The following TSTD2 variants were observed in gnomAD, a reference collection of about 807,000 sequenced individuals.
TSTD2 encodes thiosulfate sulfurtransferase/rhodanese-like domain-containing protein 2.
A neutral mutation model predicts 47.9 loss-of-function variants in TSTD2; 37 were observed. The observed-to-expected ratio is 0.77, with a 90% CI of 0.59 to 1.02. The LOEUF (loss-of-function observed/expected upper bound fraction) is 1.02. Ranked by LOEUF, TSTD2 falls within the 50% of genes least tolerant of loss-of-function variation. The pLI is 0.00. For missense variants in TSTD2, 586 were observed against 616.0 expected, an observed-to-expected ratio of 0.95 and a Z score of 0.52; for synonymous variants, 201 against 215.9, an observed-to-expected ratio of 0.93 and a Z score of 0.61.
Position 97,627,176 on chromosome 9 carries a change from T to A in TSTD2, c.165+222A>T, listed in dbSNP as rs547461679. 3 of 758,308 alleles carry A rather than the reference T, an allele frequency of 4.0e-6. No homozygotes were observed. The East Asian group carries it at 1.5e-4, about 38-fold the overall frequency. 47.0% of individuals were successfully genotyped at this position (758,308 alleles called of 1,614,324 possible). On this transcript the variant is annotated intron_variant, in intron 2 of 9. Transcript: ENST00000341170. ...CTGGGGGGTGGGGAATGAAATCTAA[T>A]CCATCTGTCTAGGATCCACCCTCCT...
chr9:97,601,167 C>G lies in TSTD2; in HGVS notation c.*1302G>C. 1 of 1,300,580 alleles carries G rather than the reference C, an allele frequency of 7.7e-7. No homozygotes were observed. Among genetic ancestry groups the G allele is most frequent in the African/African-American group, 1.5e-5 (1 of 65,798 alleles). The allele number at this position is 1,300,580 out of a possible 1,614,324, so 80.6% of individuals were successfully genotyped here. ...CACCATGTTGCAGGGACAACCATCCCCATTTGGCTTCTCCTTAAAACACAA... is the reference window on the plus strand; with the variant it reads ...CACCATGTTGCAGGGACAACCATCCGCATTTGGCTTCTCCTTAAAACACAA... On this transcript the variant is annotated 3_prime_UTR_variant, in exon 10 of 10. Coordinates refer to ENST00000341170, the MANE Select transcript of TSTD2 (RefSeq NM_139246.5).
At position 97,625,652 on chromosome 9, in the gene TSTD2, C is replaced by T. The variant is rs745601653; in HGVS notation, c.482+29G>A. 8 of 1,568,690 alleles carry T rather than the reference C, an allele frequency of 5.1e-6. No homozygotes were observed. The South Asian group carries it at 9.5e-5, about 19-fold the overall frequency. On this transcript the variant is annotated intron_variant, in intron 3 of 9. Coordinates refer to ENST00000341170, the MANE Select transcript of TSTD2 (RefSeq NM_139246.5). ...TTGTGGTTGGAAAAATACTTTAAAT[C>T]AAACCAAAATACAGAATGAAAATCT... is the stretch of plus-strand genomic sequence containing the variant.
intron 2 of TSTD2, among the ~76,000 whole-genome samples, chr9:97,626,296 A>C (rs1239163131): frequency 1.3e-5 from 2 of 152,202 alleles, no homozygotes; most frequent in African/African-American, 4.8e-5. Flanking sequence ...GTTTGGCCTA[A>C]AATATCACAA....
chr9:97,602,598 G>A lies in TSTD2; in HGVS notation c.1422C>T (p.Ser474=), dbSNP rs1249318262. 3 of 1,614,206 alleles carry A rather than the reference G, an allele frequency of 1.9e-6. No individual in the cohort carries two copies. The highest frequency in any genetic ancestry group is 2.5e-6 in the Non-Finnish European group (3 of 1,180,026). ...CTGTGCACTCGCATTCCTCTTTAAA[G>A]CTGTCTTGCATAGGGCCTGAAACTT... The part of the protein sequence containing the change: ...SRKVSGPMQD[S]FKEECECTAR... The change falls in exon 10 of 10, where the codon AGC becomes AGT. Residue 474 remains serine (S), a synonymous_variant. Coordinates refer to ENST00000341170, the MANE Select transcript of TSTD2 (RefSeq NM_139246.5).
chr9:97,617,113 G>C (rs1826556394), intron 4 of TSTD2, among the ~76,000 whole-genome samples: 1 of 152,214 alleles, frequency 6.6e-6, no homozygotes, highest in Non-Finnish European at 1.5e-5. Context: ...TTGAAAAGCA[G>C]AAAGGGATAG....
chr9:97,611,511 A>G, intron 5 of TSTD2, 63 bp downstream of exon 5: 1 of 1,509,004 alleles, frequency 6.6e-7, no homozygotes, highest in South Asian at 1.3e-5. Flanking sequence ...ACTCCTCTTC[A>G]ATAACATGCA....
At chr9:97,614,614 T>A (rs1332991090) in intron 4 of TSTD2, among the ~76,000 whole-genome samples, 1 of 152,100 alleles carries the variant, frequency 6.6e-6, no homozygotes, top group Non-Finnish European at 1.5e-5. Context: ...GGAGACAATA[T>A]GTGAGCCGAG....
In TSTD2 at chr9:97,600,717, T is replaced by C. The variant is rs1826238609; in HGVS notation, c.*1752A>G. 2 of 1,005,450 alleles carry C rather than the reference T, an allele frequency of 2.0e-6. No individual in the cohort carries two copies. The highest frequency in any genetic ancestry group is 1.2e-6 in the Non-Finnish European group (1 of 842,070). The allele number at this position is 1,005,450 out of a possible 1,614,324, so 62.3% of individuals were successfully genotyped here. On this transcript the variant is annotated 3_prime_UTR_variant, in exon 10 of 10. Transcript: ENST00000341170. ...GCCTCCGCAGGATGCCGGACAATGG[T>C]GAAGAAACTCCAGATATCAAGGAAT...
chr9:97,602,169 A>C lies in TSTD2; in HGVS notation c.*300T>G, dbSNP rs3802472. On this transcript the variant is annotated 3_prime_UTR_variant, in exon 10 of 10. Transcript: ENST00000341170. Reference sequence around the variant, plus strand: ...ACTACTAACAGCCCCAGCTGCATGGAACAGAAAGGGCATATGCTGTGGCCA... The same window carrying C: ...ACTACTAACAGCCCCAGCTGCATGGCACAGAAAGGGCATATGCTGTGGCCA... The C allele has an allele frequency of 0.069, 22,269 of 323,268 alleles. 3,482 individuals carry two copies. The highest frequency in any genetic ancestry group is 0.36 in the African/African-American group (17,024 of 46,810). The allele number at this position is 323,268 out of a possible 1,614,324, so 20.0% of individuals were successfully genotyped here.
At chr9:97,620,652 GA>G (rs2131314376) in intron 3 of TSTD2, among the ~76,000 whole-genome samples, 1 of 152,350 alleles carries the variant, frequency 6.6e-6, no homozygotes, top group African/African-American at 2.4e-5. Flanking sequence ...GGTGGTCTCA[GA>G]TGGAGATGAG....
At chr9:97,618,539 C>A (rs956959872) in intron 3 of TSTD2, among the ~76,000 whole-genome samples, 2 of 152,190 alleles carry the variant, frequency 1.3e-5, no homozygotes, top group African/African-American at 4.8e-5. Flanking sequence ...TGAAGCTGTT[C>A]TATAAAATTA....
intron 6 of TSTD2, among the ~76,000 whole-genome samples, chr9:97,606,872 G>C (rs1400170200): frequency 1.3e-5 from 2 of 152,156 alleles, no homozygotes; most frequent in Non-Finnish European, 2.9e-5. Context: ...AAAAGGGCAA[G>C]AGGGGTGGAC....
chr9:97,629,291 T>C (rs1418359660), intron 1 of TSTD2, among the ~76,000 whole-genome samples: 1 of 152,178 alleles, frequency 6.6e-6, no homozygotes, highest in Non-Finnish European at 1.5e-5. Context: ...TTGTTAACAA[T>C]GCTGGATAGG....
intron 4 of TSTD2, among the ~76,000 whole-genome samples, chr9:97,614,392 G>GCATTCATTCCTC (rs577285025): frequency 7.4e-6 from 1 of 134,940 alleles, no homozygotes; most frequent in Admixed American, 7.3e-5. Flanking sequence ...TCATGAACAT[G>GCATTCATTCCTC]CATTCTATAT....
At chr9:97,608,985 C>T (rs190858856) in intron 6 of TSTD2, among the ~76,000 whole-genome samples, 23 of 151,520 alleles carry the variant, frequency 1.5e-4, no homozygotes, top group African/African-American at 2.4e-5. Context: ...GTCTTGGTGG[C>T]GGGAGAAAAA....
intron 6 of TSTD2, among the ~76,000 whole-genome samples, chr9:97,609,624 A>G (rs1294593776): frequency 6.6e-6 from 1 of 152,248 alleles, no homozygotes; most frequent in East Asian, 1.9e-4. Context: ...ATCAGTTAAA[A>G]TGTTTTAAGA....
chr9:97,627,085 C>A (rs1826734520), intron 2 of TSTD2, among the ~76,000 whole-genome samples: 1 of 152,010 alleles, frequency 6.6e-6, no homozygotes, highest in Admixed American at 6.6e-5. Context: ...TTTTGTTGAT[C>A]ATAATTACCA....
At chr9:97,629,534 G>C (rs1826776205) in intron 1 of TSTD2, among the ~76,000 whole-genome samples, 1 of 152,202 alleles carries the variant, frequency 6.6e-6, no homozygotes. Context: ...ATAAGTGGAA[G>C]AGACTGGGTG....
chr9:97,614,030 G>T (rs868197365), intron 4 of TSTD2, among the ~76,000 whole-genome samples: 2 of 151,890 alleles, frequency 1.3e-5, no homozygotes, highest in Middle Eastern at 3.4e-3. Flanking sequence ...GGGTTTCACC[G>T]TGTTAGCCAG....
Sources: gnomAD v4.1 joint callset for allele counts (sites outside exome capture counted in the v4.1 genomes callset) on GRCh38, gnomAD v4.1.1 for gene constraint, MANE v1.5 for transcripts, NCBI Gene and HGNC (gene_info 2026-07-23, HGNC 2026-07-21) for gene names.